Variants in ZNF644 observed in about 807,000 individuals in gnomAD.
ZNF644 encodes zinc finger motif enhancer binding protein 2.
A neutral mutation model predicts 108.0 loss-of-function variants in ZNF644; 20 were observed. The observed-to-expected ratio is 0.19, with a 90% CI of 0.13 to 0.27. ZNF644 has a LOEUF of 0.27. ZNF644 is among the 10% of genes least tolerant of loss of function. The pLI, the probability that ZNF644 is intolerant of heterozygous loss-of-function variation, is 1.00. For synonymous variants in ZNF644, 542 were observed against 539.1 expected, an observed-to-expected ratio of 1.01 and a Z score of -0.08; for missense variants, 1,338 against 1,548.9, an observed-to-expected ratio of 0.86 and a Z score of 2.29.
At chr1:90,986,671 C>A (rs1371965778) in intron 1 of ZNF644, among the ~76,000 whole-genome samples, 1 of 151,814 alleles carries the variant, frequency 6.6e-6, no homozygotes, top group East Asian at 1.9e-4. Flanking sequence ...TGTAAATATG[C>A]TGAAGAGACA....
intron 2 of ZNF644, among the ~76,000 whole-genome samples, chr1:90,970,069 A>T (rs1655305268): frequency 6.6e-6 from 1 of 152,216 alleles, no homozygotes; most frequent in Admixed American, 6.5e-5. Context: ...GCAGAATACC[A>T]GTTTAGACAT....
At chr1:90,944,408 CA>C (rs201108934) in intron 2 of ZNF644, among the ~76,000 whole-genome samples, 125 of 150,340 alleles carry the variant, frequency 8.3e-4, no homozygotes, top group African/African-American at 2.7e-3. Context: ...ACACATCTAG[CA>C]AAAAAAAATC....
chr1:91,000,703 TAG>T (rs1658679347), intron 1 of ZNF644, among the ~76,000 whole-genome samples: 1 of 151,878 alleles, frequency 6.6e-6, no homozygotes, highest in Non-Finnish European at 1.5e-5. Context: ...CTGAAGGAGA[TAG>T]AGACACAAAA....
intron 2 of ZNF644, among the ~76,000 whole-genome samples, chr1:90,957,229 A>G (rs1260449663): frequency 6.6e-6 from 1 of 152,174 alleles, no homozygotes; most frequent in African/African-American, 2.4e-5. Context: ...CAAAATTAAC[A>G]CTAATTATTC....
intron 2 of ZNF644, among the ~76,000 whole-genome samples, chr1:90,956,591 A>T (rs890564739): frequency 2.0e-5 from 3 of 152,168 alleles, no homozygotes; most frequent in Non-Finnish European, 2.9e-5. Flanking sequence ...TTAAAAAAGA[A>T]GATGTCAAAT....
At chr1:90,935,277 A>G (rs1201366745) in intron 4 of ZNF644, 7 of 714,460 alleles carry the variant, frequency 9.8e-6, no homozygotes, top group African/African-American at 1.9e-5. Flanking sequence ...CTGAAATTCA[A>G]TGGGTATTCA....
intron 2 of ZNF644, among the ~76,000 whole-genome samples, chr1:90,976,579 T>C (rs1349006465): frequency 1.3e-5 from 2 of 152,238 alleles, no homozygotes; most frequent in Admixed American, 1.3e-4. Flanking sequence ...TTGTTAGGTT[T>C]AAAAACATTT....
At chr1:90,943,693 C>T (rs1346033729) in intron 2 of ZNF644, among the ~76,000 whole-genome samples, 3 of 152,122 alleles carry the variant, frequency 2.0e-5, no homozygotes, top group Non-Finnish European at 2.9e-5. Flanking sequence ...AATAAGATCA[C>T]ATTTAATGAT....
chr1:90,987,266 T>TA lies in ZNF644; in HGVS notation c.-17-4897_-17-4896insT, dbSNP rs1348047662. Among the ~76,000 whole-genome samples, 364 of 128,580 alleles carry TA rather than the reference T, an allele frequency of 2.8e-3. 2 individuals are homozygous for TA. Among genetic ancestry groups the TA allele is most frequent in the African/African-American group, 9.6e-3 (322 of 33,608 alleles). The allele number at this position is 128,580 out of a possible 152,430, so 84.4% of individuals were successfully genotyped here. ...AGTTGGTTTTTTTTTTTTTTTTTTT[T>TA]TAAAAAAAGATCAACAAAATCAATA... On this transcript the variant is annotated intron_variant, in intron 1 of 5. Transcript: ENST00000337393.
intron 4 of ZNF644, among the ~76,000 whole-genome samples, chr1:90,927,607 C>T (rs1304911997): frequency 1.3e-5 from 2 of 152,092 alleles, no homozygotes; most frequent in Non-Finnish European, 2.9e-5. Context: ...AATTCGTTAC[C>T]TTGCTAATCA....
At chr1:90,987,006 A>G (rs1570510480) in intron 1 of ZNF644, among the ~76,000 whole-genome samples, 2 of 151,514 alleles carry the variant, frequency 1.3e-5, no homozygotes, top group South Asian at 4.2e-4. Flanking sequence ...TTACGTTATG[A>G]GATGCAACAA....
intron 2 of ZNF644, among the ~76,000 whole-genome samples, chr1:90,975,966 A>T (rs1483770033): frequency 6.6e-6 from 1 of 152,176 alleles, no homozygotes; most frequent in Non-Finnish European, 1.5e-5. Context: ...AAAAAATTAA[A>T]CTTGTTTAAA....
chr1:90,969,628 C>G (rs1268858874), intron 2 of ZNF644, among the ~76,000 whole-genome samples: 1 of 152,178 alleles, frequency 6.6e-6, no homozygotes, highest in Admixed American at 6.6e-5. Context: ...GCTGTAAATG[C>G]TCCCTATCTA....
intron 2 of ZNF644, 148 bp downstream of exon 2, chr1:90,982,162 A>T (rs1656613788): frequency 1.6e-6 from 1 of 630,288 alleles, no homozygotes; most frequent in African/African-American, 1.8e-5. Flanking sequence ...CAACTGGACC[A>T]AGTGTGTCAA....
intron 1 of ZNF644, among the ~76,000 whole-genome samples, chr1:91,014,441 A>G (rs1219220983): frequency 6.6e-6 from 1 of 152,192 alleles, no homozygotes; most frequent in Non-Finnish European, 1.5e-5. Context: ...AAGTGTTCAA[A>G]TATTAAAAAA....
chr1:90,926,839 C>T lies in ZNF644; in HGVS notation c.3689-8685G>A, dbSNP rs1312982435. On this transcript the variant is annotated intron_variant, in intron 4 of 5. Coordinates refer to ENST00000337393, the MANE Select transcript of ZNF644 (RefSeq NM_201269.3). Reference sequence around the variant, plus strand: ...AAAATGATCTACCCTGCAATTTTTCCTCCTCTCTGCCAAATCCTTTATTTA... The same window carrying T: ...AAAATGATCTACCCTGCAATTTTTCTTCCTCTCTGCCAAATCCTTTATTTA... Among the ~76,000 whole-genome samples the T allele has an allele frequency of 2.0e-5, 3 of 152,038 alleles. No individual in the cohort carries two copies. The East Asian group carries it at 5.8e-4, about 29-fold the overall frequency.
chr1:91,010,309 G>A (rs1026222700), intron 1 of ZNF644, among the ~76,000 whole-genome samples: 3 of 144,168 alleles, frequency 2.1e-5, no homozygotes, highest in Non-Finnish European at 3.0e-5. Flanking sequence ...CACAATCTCA[G>A]CTCACCACAA....
chr1:90,950,311 A>G (rs545289455), intron 2 of ZNF644, among the ~76,000 whole-genome samples: 409 of 8,732 alleles, frequency 0.047, 5 homozygotes, highest in Middle Eastern at 0.2. Context: ...GGAGGGGACA[A>G]AAGAAAAGAA....
chr1:90,980,957 T>C (rs1395558148), intron 2 of ZNF644, among the ~76,000 whole-genome samples: 3 of 152,062 alleles, frequency 2.0e-5, no homozygotes, highest in Non-Finnish European at 4.4e-5. Context: ...CATATATATG[T>C]AAACTATACC....
Sources: gnomAD v4.1 joint callset for allele counts (sites outside exome capture counted in the v4.1 genomes callset) on GRCh38, gnomAD v4.1.1 for gene constraint, MANE v1.5 for transcripts, NCBI Gene and HGNC (gene_info 2026-07-23, HGNC 2026-07-21) for gene names.